Variants in MTNR1A observed in about 807,000 individuals in gnomAD.
MTNR1A encodes melatonin receptor 1A, also known as melatonin receptor type 1A.
MTNR1A carries 7 observed loss-of-function variants against 5.5 expected under a neutral mutation model. The observed-to-expected ratio is 1.28, with a 90% CI of 0.73 to 2.40. The LOEUF is 2.40. Among genes scored for constraint, MTNR1A ranks in the 30% most tolerant of loss-of-function variants. MTNR1A has a pLI of 0.00. For missense variants in MTNR1A, 441 were observed against 464.4 expected (o/e 0.95, Z 0.46); for synonymous variants, 196 against 202.7 (o/e 0.97, Z 0.28).
chr4:186,552,438 T>A (rs1737283147), intron 1 of MTNR1A, among the ~76,000 whole-genome samples: 1 of 152,208 alleles, frequency 6.6e-6, no homozygotes, highest in Admixed American at 6.5e-5. Flanking sequence ...GGCAAGATAG[T>A]ATTGTATTCT....
In MTNR1A at chr4:186,534,348, T is replaced by C. The variant is rs1736788863; in HGVS notation, c.394A>G (p.Ser132Gly). Residue 132 changes from serine (S) to glycine (G), a missense_variant, in exon 2 of 2, where the codon AGT (serine) becomes GGT (glycine). Transcript: ENST00000307161. Reference sequence around the variant, plus strand: ...CTGTACAGTTTGTCGTACTTGAGACTGTGGCAGATGTAGCAGTAGCGGTTG... The same window carrying C: ...CTGTACAGTTTGTCGTACTTGAGACCGTGGCAGATGTAGCAGTAGCGGTTG... ...AINRYCYICH[S>G]LKYDKLYSSK... The C allele has an allele frequency of 6.2e-7, 1 of 1,614,160 alleles. No individual in the cohort carries two copies. The highest frequency in any genetic ancestry group is 8.5e-7 in the Non-Finnish European group (1 of 1,180,028).
intron 1 of MTNR1A, among the ~76,000 whole-genome samples, chr4:186,541,087 T>C (rs1419209113): frequency 6.6e-6 from 1 of 152,166 alleles, no homozygotes; most frequent in Non-Finnish European, 1.5e-5. Context: ...TCCCTCAGCA[T>C]GCTCCTATGG....
In MTNR1A at chr4:186,534,181, G is replaced by A. The variant is rs745766636; in HGVS notation, c.561C>T (p.Tyr187=). Residue 187 remains tyrosine, a synonymous_variant, in exon 2 of 2, where the codon TAC becomes TAT. Coordinates refer to ENST00000307161, the MANE Select transcript of MTNR1A (RefSeq NM_005958.4). ...AGTGGAAAACCACCACGGCGATGGT[G>A]TAGGCGGAGCTGACGGACTGGGCGA... ...CTFAQSVSSA[Y]TIAVVVFHFL... The A allele has an allele frequency of 6.2e-7, 1 of 1,613,704 alleles. No individual in the cohort carries two copies.
chr4:186,554,600 G>T (rs1283213967), intron 1 of MTNR1A, among the ~76,000 whole-genome samples: 1 of 152,146 alleles, frequency 6.6e-6, no homozygotes, highest in Non-Finnish European at 1.5e-5. Flanking sequence ...CTCACGCCTG[G>T]CTACCTGCCT....
At position 186,536,898 on chromosome 4, in the gene MTNR1A, G is replaced by C. The variant is rs544759721; in HGVS notation, c.185-2341C>G. Among the ~76,000 whole-genome samples the C allele has an allele frequency of 1.8e-4, 27 of 152,230 alleles. No homozygotes were observed. In the South Asian group the frequency reaches 2.7e-3, roughly 15 times the overall value. On this transcript the variant is annotated intron_variant, in intron 1 of 1. Transcript: ENST00000307161. ...GCTCAAAATGTTTAATGCTTTAAAA[G>C]CATCTATAATATGTGAAATTCTGTT...
intron 1 of MTNR1A, among the ~76,000 whole-genome samples, chr4:186,546,228 C>T (rs568360146): frequency 2.0e-5 from 3 of 152,172 alleles, no homozygotes; most frequent in East Asian, 3.9e-4. Context: ...TCTTGCTTCA[C>T]GGAAGGTTCC....
intron 1 of MTNR1A, among the ~76,000 whole-genome samples, chr4:186,551,720 G>A (rs182108318): frequency 7.7e-4 from 117 of 152,208 alleles, no homozygotes; most frequent in African/African-American, 2.6e-3. Context: ...TGGTACATCC[G>A]AGACTTGAAC....
At chr4:186,553,754 C>A (rs547832075) in intron 1 of MTNR1A, among the ~76,000 whole-genome samples, 1 of 152,346 alleles carries the variant, frequency 6.6e-6, no homozygotes, top group South Asian at 2.1e-4. Flanking sequence ...TCAGGCGATC[C>A]ACCCACCTCG....
chr4:186,535,078 C>T (rs1736815816), intron 1 of MTNR1A, among the ~76,000 whole-genome samples: 1 of 152,156 alleles, frequency 6.6e-6, no homozygotes, highest in Non-Finnish European at 1.5e-5. Flanking sequence ...CATGGCTTCA[C>T]TCCTTACTAA....
chr4:186,536,956 G>C (rs1279877737), intron 1 of MTNR1A, among the ~76,000 whole-genome samples: 2 of 152,126 alleles, frequency 1.3e-5, no homozygotes, highest in Non-Finnish European at 2.9e-5. Context: ...CAGCACATTT[G>C]TTCCCAGAGT....
At chr4:186,546,765 A>C (rs1737155306) in intron 1 of MTNR1A, among the ~76,000 whole-genome samples, 2 of 148,378 alleles carry the variant, frequency 1.3e-5, no homozygotes, top group African/African-American at 2.6e-5. Context: ...CTCCCTGTTC[A>C]TGCCATCCAC....
chr4:186,536,301 G>C (rs528192543), intron 1 of MTNR1A, among the ~76,000 whole-genome samples: 48 of 151,458 alleles, frequency 3.2e-4, no homozygotes, highest in African/African-American at 1.1e-3. Flanking sequence ...AGCAGAGATC[G>C]CGCCATTGCA....
rs1469637661 is a variant in MTNR1A at position 186,540,133 on chromosome 4, G to A, written c.185-5576C>T. ...CCCTTATAGAACCATCAGATCTTGT[G>A]AGGCTTATTCACTATCTCGAGAACA... On this transcript the variant is annotated intron_variant, in intron 1 of 1. Transcript: ENST00000307161. Among the ~76,000 whole-genome samples the A allele has an allele frequency of 6.6e-5, 10 of 152,182 alleles. No individual in the cohort carries two copies. In the East Asian group the frequency reaches 1.9e-3, roughly 29 times the overall value.
Position 186,545,844 on chromosome 4 carries a change from G to A in MTNR1A, c.184+9338C>T, listed in dbSNP as rs111375606. On this transcript the variant is annotated intron_variant, in intron 1 of 1. Transcript: ENST00000307161. ...TATGATAAGAGAAAGCTGAGCTACC[G>A]CAGGTGTGTAGGGAATATTCTCTGG... is the stretch of plus-strand genomic sequence containing the variant. 3.2e-4 allele frequency among the ~76,000 whole-genome samples: 48 copies of A among 152,286 alleles called. No individual in the cohort carries two copies. In the Middle Eastern group the frequency reaches 0.014, roughly 43 times the overall value.
chr4:186,534,132 T>C lies in MTNR1A; in HGVS notation c.610A>G (p.Ile204Val), dbSNP rs1207427697. Reference sequence around the variant, plus strand: ...ATCCATATTCTCAGGTAACAGAAGATGACTATGATCATGGGGACGAGGAAG... The same window carrying C: ...ATCCATATTCTCAGGTAACAGAAGACGACTATGATCATGGGGACGAGGAAG... ...FHFLVPMIIV[I>V]FCYLRIWILV... Residue 204 changes from isoleucine (I) to valine (V), a missense_variant, in exon 2 of 2, where the codon ATC becomes GTC. Ile to Val is a conservative substitution (Grantham distance 29, BLOSUM62 3). Transcript: ENST00000307161. 1 of 1,613,906 alleles carries C rather than the reference T, an allele frequency of 6.2e-7. No individual in the cohort carries two copies. Among genetic ancestry groups the C allele is most frequent in the Admixed American group, 1.7e-5 (1 of 59,994 alleles).
At chr4:186,535,906 G>A (rs1366392399) in intron 1 of MTNR1A, among the ~76,000 whole-genome samples, 1 of 152,158 alleles carries the variant, frequency 6.6e-6, no homozygotes, top group Non-Finnish European at 1.5e-5. Flanking sequence ...AGTGGTAAGA[G>A]CTTCCTCCTT....
Position 186,555,129 on chromosome 4 carries a change from G to T in MTNR1A, c.184+53C>A. The T allele has an allele frequency of 1.3e-6, 2 of 1,537,662 alleles. No individual in the cohort carries two copies. Among genetic ancestry groups the T allele is most frequent in the South Asian group, 1.2e-5 (1 of 84,428 alleles). ...TGCTTGGGGAAGGCTGGCTGCCCGC[G>T]GAGAGGCGCTGCGTCCGGAGCGCTG... On this transcript the variant is annotated intron_variant, in intron 1 of 1. Transcript: ENST00000307161. The surrounding 1 kb of genome is among the most constrained non-coding windows in gnomAD (Gnocchi z 4.1).
intron 1 of MTNR1A, among the ~76,000 whole-genome samples, chr4:186,538,487 C>T (rs956472976): frequency 6.6e-5 from 10 of 152,054 alleles, no homozygotes; most frequent in South Asian, 2.1e-4. Context: ...GGGTGGGTGA[C>T]GGCAGTGTGC....
chr4:186,547,789 A>G (rs1477047348), intron 1 of MTNR1A, among the ~76,000 whole-genome samples: 2 of 152,186 alleles, frequency 1.3e-5, no homozygotes, highest in African/African-American at 4.8e-5. Context: ...AATACGAGAG[A>G]CCAAAGGCAC....
Sources: gnomAD v4.1 joint callset for allele counts (sites outside exome capture counted in the v4.1 genomes callset) on GRCh38, gnomAD v4.1.1 for gene constraint, Gnocchi (gnomAD v3.1) non-coding constraint, MANE v1.5 for transcripts, NCBI Gene and HGNC (gene_info 2026-07-23, HGNC 2026-07-21) for gene names.